SUPT5H: variants seen among roughly 807,000 people sequenced by gnomAD.
SUPT5H encodes the protein transcription elongation factor SPT5.
A neutral mutation model predicts 142.5 loss-of-function variants in SUPT5H; 24 were observed. The ratio of observed to expected loss-of-function variants is 0.17; its 90% CI spans 0.12 to 0.24. SUPT5H has a LOEUF of 0.24. SUPT5H is among the 10% of genes least tolerant of loss of function. The pLI, the probability that SUPT5H is intolerant of heterozygous loss-of-function variation, is 1.00. For missense variants in SUPT5H, 893 were observed against 1,471.8 expected, an observed-to-expected ratio of 0.61 and a Z score of 6.43; for synonymous variants, 546 against 553.0, an observed-to-expected ratio of 0.99 and a Z score of 0.18.
At chr19:39,457,938 G>C (rs562299780) in intron 4 of SUPT5H, 198 bp downstream of exon 4, 3 of 1,007,674 alleles carry the variant, frequency 3.0e-6, no homozygotes, top group Admixed American at 4.0e-5. Flanking sequence ...TGGGGCCCTG[G>C]GGTGGGGATG....
chr19:39,473,564 G>A lies in SUPT5H; in HGVS notation c.2492+43G>A, dbSNP rs769853924. On this transcript the variant is annotated intron_variant, in intron 25 of 29. Transcript: ENST00000432763. This position sits in a 1 kb window ranked among gnomAD's most constrained non-coding sequence, Gnocchi z 5.8. The stretch of plus-strand genomic sequence containing the variant: ...CAGGTTCTGGTGTGTGCTGGTGTGT[G>A]TGAGGGATGATGCTGGGTGTCTGGG... 3.2e-6 allele frequency: 5 copies of A among 1,582,074 alleles called. No individual in the cohort carries two copies. The highest frequency in any genetic ancestry group is 8.6e-7 in the Non-Finnish European group (1 of 1,166,570).
Position 39,458,417 on chromosome 19 carries a change from C to G in SUPT5H, c.319+112C>G. 1.9e-6 allele frequency: 3 copies of G among 1,564,298 alleles called. No homozygotes were observed. The highest frequency in any genetic ancestry group is 2.4e-5 in the South Asian group (2 of 83,802). On this transcript the variant is annotated intron_variant, in intron 5 of 29. Transcript: ENST00000432763. The surrounding 1 kb of genome is among the most constrained non-coding windows in gnomAD (Gnocchi z 4.2). ...CCTCCCCACCAGCCCCGGTCTGGCCCTGAGGGCTCTGACCCATGTAGGATC... is the reference window on the plus strand; with the variant it reads ...CCTCCCCACCAGCCCCGGTCTGGCCGTGAGGGCTCTGACCCATGTAGGATC...
At chr19:39,465,598 C>T (rs4803241) in intron 11 of SUPT5H, among the ~76,000 whole-genome samples, 89,936 of 152,116 alleles carry the variant, frequency 0.59, 27,461 homozygotes, top group African/African-American at 0.74. Flanking sequence ...AGGGGGTTGA[C>T]GATTATGGCA....
In SUPT5H at chr19:39,445,819, A is replaced by G; in HGVS notation, c.-72A>G. 3.2e-6 allele frequency: 5 copies of G among 1,566,590 alleles called. No individual in the cohort carries two copies. In the South Asian group the frequency reaches 3.4e-5, roughly 11 times the overall value. On this transcript the variant is annotated 5_prime_UTR_variant, in exon 2 of 30. Coordinates refer to ENST00000432763, the MANE Select transcript of SUPT5H (RefSeq NM_001111020.3). ...CTTCTCCCAGGGAACCAGCGGGGAA[A>G]CTGAGGCTCGGGGTGGAGCGCAGGA...
intron 3 of SUPT5H, among the ~76,000 whole-genome samples, chr19:39,456,400 GTTT>G (rs1555742917): frequency 6.1e-5 from 5 of 81,580 alleles, no homozygotes; most frequent in East Asian, 3.3e-4. Context: ...TGACTAGACT[GTTT>G]TTTTTTGTTG....
chr19:39,466,554 G>C lies in SUPT5H; in HGVS notation c.951G>C (p.Lys317Asn). Residue 317 changes from lysine (K) to asparagine (N), a missense_variant, in exon 12 of 30, where the codon AAG becomes AAC. Physicochemically the swap from Lys to Asn is moderately conservative, Grantham distance 94. Transcript: ENST00000432763. The surrounding 1 kb of genome is among the most constrained non-coding windows in gnomAD (Gnocchi z 4.3). ...MIPRIDYDRIKARMSLKDWFA... is the reference protein window; with the variant it reads ...MIPRIDYDRINARMSLKDWFA... ...CACGCATCGACTACGATCGCATCAA[G>C]GCCCGCATGAGCTTGGTACTCAGGG... is the stretch of plus-strand genomic sequence containing the variant. The C allele has an allele frequency of 6.2e-7, 1 of 1,614,140 alleles. No homozygotes were observed. Among genetic ancestry groups the C allele is most frequent in the South Asian group, 1.1e-5 (1 of 91,074 alleles).
chr19:39,454,295 C>T (rs1025362016), intron 3 of SUPT5H, among the ~76,000 whole-genome samples: 30 of 151,592 alleles, frequency 2.0e-4, no homozygotes, highest in African/African-American at 5.6e-4. Flanking sequence ...CTCTGTTCTA[C>T]GTGTTAAATC....
At chr19:39,475,595 G>T (rs940117160) in intron 28 of SUPT5H, among the ~76,000 whole-genome samples, 1 of 152,100 alleles carries the variant, frequency 6.6e-6, no homozygotes, top group Non-Finnish European at 1.5e-5. Flanking sequence ...GGGACCCCAG[G>T]GGGAGGTTGG....
At chr19:39,454,353 GTTGTTT>G (rs1309665345) in intron 3 of SUPT5H, among the ~76,000 whole-genome samples, 14 of 140,864 alleles carry the variant, frequency 9.9e-5, no homozygotes, top group Non-Finnish European at 1.2e-4. Flanking sequence ...TGTTGTTGTC[GTTGTTT>G]TTTTTTTTTT....
In SUPT5H at chr19:39,471,700, C is replaced by G; in HGVS notation, c.1920C>G (p.Thr640=). The change falls in exon 20 of 30, where the codon ACC becomes ACG. Residue 640 remains threonine, a synonymous_variant. Coordinates refer to ENST00000432763, the MANE Select transcript of SUPT5H (RefSeq NM_001111020.3). ...ACGGGGGCATGTTTGTCTGCAAGACCCGCCACCTGGTGCTGGCTGGGGGCT... is the reference window on the plus strand; with the variant it reads ...ACGGGGGCATGTTTGTCTGCAAGACGCGCCACCTGGTGCTGGCTGGGGGCT... ...VENGGMFVCK[T]RHLVLAGGSK... is the part of the protein sequence containing the mutation. The G allele has an allele frequency of 6.2e-7, 1 of 1,614,150 alleles. No individual in the cohort carries two copies. Among genetic ancestry groups the G allele is most frequent in the Non-Finnish European group, 8.5e-7 (1 of 1,180,034 alleles).
intron 10 of SUPT5H, among the ~76,000 whole-genome samples, 155 bp from the exon 11 acceptor site, chr19:39,464,643 T>G (rs2079210561): frequency 6.6e-6 from 1 of 152,254 alleles, no homozygotes; most frequent in Non-Finnish European, 1.5e-5. Flanking sequence ...CTGTGATAAA[T>G]AATTCTGCAG....
chr19:39,476,038 G>A (rs749621640), intron 28 of SUPT5H, 43 bp from the exon 29 acceptor site: 12 of 1,577,696 alleles, frequency 7.6e-6, no homozygotes, highest in Admixed American at 1.7e-5. Context: ...TCAGTCCCAT[G>A]TTGGGAGCAG....
chr19:39,458,967 A>AC lies in SUPT5H; in HGVS notation c.390-36dup. 6.2e-7 allele frequency: 1 copy of AC among 1,614,068 alleles called. No homozygotes were observed. ...TAGGTCAGCCCACCTGCTGTCCTCA[A>AC]CCTTCAATTCGTGTTTGCTTCCCCA... On this transcript the variant is annotated intron_variant, in intron 6 of 29. Coordinates refer to ENST00000432763, the MANE Select transcript of SUPT5H (RefSeq NM_001111020.3). The surrounding 1 kb of genome is among the most constrained non-coding windows in gnomAD (Gnocchi z 4.2).
Position 39,469,789 on chromosome 19 carries a change from G to A in SUPT5H, c.1375-330G>A. 2.1e-6 allele frequency: 1 copy of A among 475,102 alleles called. No homozygotes were observed. Among genetic ancestry groups the A allele is most frequent in the South Asian group, 2.3e-5 (1 of 43,992 alleles). 29.4% of individuals were successfully genotyped at this position (475,102 alleles called of 1,614,324 possible). ...GTGCAGGCCCAGTGTGATGTGTGGG[G>A]TGAGGCTGTCTCCGGGTGGGGCTGA... On this transcript the variant is annotated intron_variant, in intron 16 of 29. Coordinates refer to ENST00000432763, the MANE Select transcript of SUPT5H (RefSeq NM_001111020.3). The surrounding 1 kb of genome is among the most constrained non-coding windows in gnomAD (Gnocchi z 5.1).
rs568402822 is a variant in SUPT5H at position 39,455,281 on chromosome 19, G to A, written c.241+1760G>A. Among the ~76,000 whole-genome samples the A allele has an allele frequency of 3.9e-5, 6 of 152,278 alleles. No individual in the cohort carries two copies. The South Asian group carries it at 1.2e-3, about 32-fold the overall frequency. Reference sequence around the variant, plus strand: ...GGTGTGTTAAAAAAATTACGTGGGGGCTGGGCGTGGTGGCTCATGCTTGTA... The same window carrying A: ...GGTGTGTTAAAAAAATTACGTGGGGACTGGGCGTGGTGGCTCATGCTTGTA... On this transcript the variant is annotated intron_variant, in intron 3 of 29. Coordinates refer to ENST00000432763, the MANE Select transcript of SUPT5H (RefSeq NM_001111020.3).
At position 39,459,518 on chromosome 19, in the gene SUPT5H, T is replaced by C. The variant is rs1448524473; in HGVS notation, c.525-41T>C. On this transcript the variant is annotated intron_variant, in intron 8 of 29. Coordinates refer to ENST00000432763, the MANE Select transcript of SUPT5H (RefSeq NM_001111020.3). ...GGGTTCGTCTGTTTGTTACTGAAGA[T>C]CCAGCTTCACTGAAGGCCTTCCTTT... 1.9e-6 allele frequency: 3 copies of C among 1,612,336 alleles called. No individual in the cohort carries two copies. In the Admixed American group the frequency reaches 5.0e-5, roughly 27 times the overall value.
rs1316650629 is a variant in SUPT5H at position 39,476,135 on chromosome 19, A to G, written c.3079A>G (p.Ser1027Gly). 6.2e-7 allele frequency: 1 copy of G among 1,613,958 alleles called. No individual in the cohort carries two copies. Among genetic ancestry groups the G allele is most frequent in the Non-Finnish European group, 8.5e-7 (1 of 1,180,000 alleles). The change falls in exon 29 of 30, where the codon AGT becomes GGT. Residue 1027 changes from serine (S) to glycine (G), a missense_variant. This residue lies in a region of SUPT5H where 336 missense variants were observed against 546.5 expected (regional missense o/e 0.61). Coordinates refer to ENST00000432763, the MANE Select transcript of SUPT5H (RefSeq NM_001111020.3). Reference protein sequence around the residue: ...KDSEKVVSISSEHLEPITPTK... With the variant: ...KDSEKVVSISGEHLEPITPTK... ...CAGTGAGAAGGTTGTCAGCATTTCC[A>G]GTGAGCACCTGGAGCCTATCACCCC...
chr19:39,461,956 G>A (rs1440529069), intron 10 of SUPT5H, among the ~76,000 whole-genome samples: 3 of 151,166 alleles, frequency 2.0e-5, no homozygotes, highest in Non-Finnish European at 2.9e-5. Context: ...TTTTTGAGAC[G>A]GAGTTTCACT....
intron 19 of SUPT5H, 27 bp downstream of exon 19, chr19:39,471,530 T>C: frequency 6.2e-7 from 1 of 1,613,944 alleles, no homozygotes; most frequent in South Asian, 1.1e-5. Context: ...GCTTTTGAGC[T>C]GCATCTGAAA....
Sources: gnomAD v4.1 joint callset for allele counts (sites outside exome capture counted in the v4.1 genomes callset) on GRCh38, gnomAD v4.1.1 for gene constraint, gnomAD v4.1.1 regional missense constraint, Gnocchi (gnomAD v3.1) non-coding constraint, MANE v1.5 for transcripts, NCBI Gene and HGNC (gene_info 2026-07-23, HGNC 2026-07-21) for gene names.